Variants in PCDHGA1 observed in about 807,000 individuals in gnomAD.
The protein encoded by PCDHGA1 is protocadherin gamma subfamily A, 1.
In PCDHGA1, 32 loss-of-function variants were observed where a neutral mutation model predicts 58.0. The observed-to-expected ratio is 0.55, with a 90% CI of 0.42 to 0.74. The LOEUF (loss-of-function observed/expected upper bound fraction) is 0.74, where lower values mean the gene tolerates loss of function less well. Ranked by LOEUF, PCDHGA1 falls within the 30% of genes least tolerant of loss-of-function variation. The pLI, the probability that PCDHGA1 is intolerant of heterozygous loss-of-function variation, is 0.00. For missense variants in PCDHGA1, 1,205 were observed against 1,182.3 expected (o/e 1.02, Z -0.28); for synonymous variants, 498 against 501.1 (o/e 0.99, Z 0.08).
At chr5:141,348,090 T>C (rs1758061907) in intron 1 of PCDHGA1, among the ~76,000 whole-genome samples, 1 of 152,244 alleles carries the variant, frequency 6.6e-6, no homozygotes, top group African/African-American at 2.4e-5. Context: ...AGCCAGAAAT[T>C]GTTGGCTTAT....
At position 141,357,730 on chromosome 5, in the gene PCDHGA1, A is replaced by T. The variant is rs1330866437; in HGVS notation, c.2421+24625A>T. 35 of 1,357,520 alleles carry T rather than the reference A, an allele frequency of 2.6e-5. No individual in the cohort carries two copies. The East Asian group carries it at 8.3e-4, about 32-fold the overall frequency. The allele number at this position is 1,357,520 out of a possible 1,614,324, so 84.1% of individuals were successfully genotyped here. ...ATCAAATAAAGTTGCCTCTTTTAAT[A>T]TTTTATTGCTTTAAAGAAAACTGGT... On this transcript the variant is annotated intron_variant, in intron 1 of 3. Coordinates refer to ENST00000517417, the MANE Select transcript of PCDHGA1 (RefSeq NM_018912.3).
At chr5:141,427,780 T>C (rs2097069858) in intron 1 of PCDHGA1, 1 of 1,456,004 alleles carries the variant, frequency 6.9e-7, no homozygotes. Flanking sequence ...CTGCGGGCAC[T>C]GTCGTCCTAC....
intron 1 of PCDHGA1, chr5:141,379,506 A>T (rs774188975): frequency 9.2e-5 from 14 of 152,280 alleles, no homozygotes; most frequent in Non-Finnish European, 1.8e-4. Context: ...TGGGATGTTA[A>T]ACTACATCTT....
At chr5:141,341,642 C>T (rs890518935) in intron 1 of PCDHGA1, 17 of 747,556 alleles carry the variant, frequency 2.3e-5, no homozygotes, top group Non-Finnish European at 3.6e-5. Flanking sequence ...CCAAAGAGCA[C>T]TGCATTAGGA....
chr5:141,356,454 T>C, intron 1 of PCDHGA1: 1 of 1,613,414 alleles, frequency 6.2e-7, no homozygotes, highest in Non-Finnish European at 8.5e-7. Context: ...TCTCAGAATA[T>C]AACATCACTG....
rs767521224 is a variant in PCDHGA1 at position 141,431,148 on chromosome 5, C to T, written c.2422-63659C>T. 3.7e-6 allele frequency: 6 copies of T among 1,614,146 alleles called. No homozygotes were observed. Among genetic ancestry groups the T allele is most frequent in the Admixed American group, 1.7e-5 (1 of 60,030 alleles). On this transcript the variant is annotated intron_variant, in intron 1 of 3. Coordinates refer to ENST00000517417, the MANE Select transcript of PCDHGA1 (RefSeq NM_018912.3). The surrounding 1 kb of genome is among the most constrained non-coding windows in gnomAD (Gnocchi z 4.8). Reference sequence around the variant, plus strand: ...GAAGTAAGGGACATTAACGACAATGCGCCTTACTTTCGTGAAAGTGAATTA... The same window carrying T: ...GAAGTAAGGGACATTAACGACAATGTGCCTTACTTTCGTGAAAGTGAATTA...
chr5:141,475,388 G>C (rs1230010845), intron 1 of PCDHGA1, among the ~76,000 whole-genome samples: 8 of 152,170 alleles, frequency 5.3e-5, no homozygotes, highest in Non-Finnish European at 1.0e-4. Flanking sequence ...AATTTTATAA[G>C]CCAGAGTTAA....
chr5:141,365,833 G>T (rs1457711809), intron 1 of PCDHGA1: 2 of 1,613,920 alleles, frequency 1.2e-6, no homozygotes, highest in Non-Finnish European at 8.5e-7. Context: ...GGGCGCCCTT[G>T]TCCTCCTATG....
chr5:141,439,333 G>A (rs964224344), intron 1 of PCDHGA1, among the ~76,000 whole-genome samples: 1 of 152,154 alleles, frequency 6.6e-6, no homozygotes, highest in Non-Finnish European at 1.5e-5. Flanking sequence ...TGGAAAGAAA[G>A]ATTCTAAGCC....
chr5:141,510,798 A>G, intron 3 of PCDHGA1, 149 bp from the exon 4 acceptor site: 1 of 1,474,326 alleles, frequency 6.8e-7, no homozygotes, highest in South Asian at 1.3e-5. Context: ...GTGAAGAGAG[A>G]CTACCTTGGT....
In PCDHGA1 at chr5:141,486,042, G is replaced by A; in HGVS notation, c.2422-8765G>A. The A allele has an allele frequency of 6.2e-7, 1 of 1,614,180 alleles. No individual in the cohort carries two copies. The highest frequency in any genetic ancestry group is 8.5e-7 in the Non-Finnish European group (1 of 1,180,030). On this transcript the variant is annotated intron_variant, in intron 1 of 3. Coordinates refer to ENST00000517417, the MANE Select transcript of PCDHGA1 (RefSeq NM_018912.3). This position sits in a 1 kb window ranked among gnomAD's most constrained non-coding sequence, Gnocchi z 5.0. The stretch of plus-strand genomic sequence containing the variant: ...AGTGGTCATACCCCTGATCGTGTAA[G>A]AAACCTCTTTAGCCTGCACCCCACT...
intron 1 of PCDHGA1, chr5:141,364,707 T>C: frequency 5.6e-6 from 9 of 1,613,986 alleles, no homozygotes; most frequent in Non-Finnish European, 7.6e-6. Flanking sequence ...ATAATCGATA[T>C]TAATGATAAC....
At chr5:141,414,498 C>T (rs2095755127) in intron 1 of PCDHGA1, 1 of 1,613,848 alleles carries the variant, frequency 6.2e-7, no homozygotes, top group African/African-American at 1.3e-5. Flanking sequence ...CGGAAGCTCA[C>T]TTTATGCTAC....
intron 1 of PCDHGA1, chr5:141,427,757 C>A: frequency 7.5e-7 from 1 of 1,340,702 alleles, no homozygotes; most frequent in Non-Finnish European, 1.1e-6. Flanking sequence ...CCATCGTTAC[C>A]ACTGACTTGG....
intron 2 of PCDHGA1, among the ~76,000 whole-genome samples, chr5:141,497,171 C>T (rs991574648): frequency 6.6e-6 from 1 of 151,148 alleles, no homozygotes; most frequent in African/African-American, 2.5e-5. Context: ...CCACAAATCA[C>T]AGTAAGTTCT....
intron 1 of PCDHGA1, chr5:141,424,584 C>T (rs919265310): frequency 3.9e-5 from 6 of 152,082 alleles, no homozygotes; most frequent in African/African-American, 1.4e-4. Flanking sequence ...TTCAAATGTG[C>T]TAAAGATGTC....
At chr5:141,413,179 G>C in intron 1 of PCDHGA1, 1 of 1,602,658 alleles carries the variant, frequency 6.2e-7, no homozygotes. Context: ...GACTACAATG[G>C]CCGCTCAAAG....
intron 2 of PCDHGA1, among the ~76,000 whole-genome samples, chr5:141,502,408 G>A (rs1197275813): frequency 6.6e-6 from 1 of 151,782 alleles, no homozygotes; most frequent in Non-Finnish European, 1.5e-5. Context: ...CCCGAACCTG[G>A]ATTTGCTGGC....
intron 1 of PCDHGA1, chr5:141,346,527 A>G: frequency 4.4e-6 from 7 of 1,581,396 alleles, no homozygotes; most frequent in Non-Finnish European, 6.0e-6. Flanking sequence ...GCTTTAACAC[A>G]TATGTATTTG....
Sources: allele counts gnomAD v4.1 joint callset (sites outside exome capture counted in the v4.1 genomes callset), GRCh38; gene constraint gnomAD v4.1.1; non-coding constraint Gnocchi (gnomAD v3.1); transcripts MANE v1.5; gene names NCBI Gene and HGNC (gene_info 2026-07-23, HGNC 2026-07-21).